Variants in LRP5 observed in about 807,000 individuals in gnomAD.
The protein encoded by LRP5 is low-density lipoprotein receptor-related protein 5.
In LRP5, 62 loss-of-function variants were observed where a neutral mutation model predicts 154.1. The observed-to-expected ratio is 0.40, with a 90% confidence interval of 0.33 to 0.50. The LOEUF (loss-of-function observed/expected upper bound fraction) is 0.50, where lower values mean the gene tolerates loss of function less well. Among genes scored for constraint, LRP5 ranks in the 20% least tolerant of loss-of-function variants. The pLI, the probability that LRP5 is intolerant of heterozygous loss-of-function variation, is 0.55. For synonymous variants in LRP5, 966 were observed against 1,011.5 expected (o/e 0.96, Z 0.85); for missense variants, 1,915 against 2,336.7 (o/e 0.82, Z 3.72).
chr11:68,352,259 C>T (rs1016078368), intron 2 of LRP5, among the ~76,000 whole-genome samples: 1 of 152,170 alleles, frequency 6.6e-6, no homozygotes, highest in Non-Finnish European at 1.5e-5. Context: ...GATTTGCTGG[C>T]ACTCTGCATG....
At chr11:68,304,552 C>G in the LRP5 span, among the ~76,000 whole-genome samples, 182 of 152,344 alleles carry the variant, frequency 1.2e-3, 1 homozygote, top group Non-Finnish European at 2.0e-3. Flanking sequence ...CCATCCACAC[C>G]CCAGAATGGT....
At chr11:68,370,401 C>T (rs1474230620) in intron 5 of LRP5, among the ~76,000 whole-genome samples, 1 of 152,048 alleles carries the variant, frequency 6.6e-6, no homozygotes, top group Non-Finnish European at 1.5e-5. Context: ...AGGCTGCCTG[C>T]GCTCACAGGG....
intron 2 of LRP5, among the ~76,000 whole-genome samples, chr11:68,352,467 G>A (rs1296625620): frequency 6.6e-6 from 1 of 152,226 alleles, no homozygotes; most frequent in Non-Finnish European, 1.5e-5. Context: ...CCATGCCTAC[G>A]TGGTTTTGTC....
chr11:68,324,440 G>A (rs896631434), intron 1 of LRP5, among the ~76,000 whole-genome samples: 14 of 152,144 alleles, frequency 9.2e-5, no homozygotes, highest in Admixed American at 9.2e-4. Context: ...CTGATGGCCT[G>A]GGGCAGAGCT....
chr11:68,411,073 T>G (rs2153166842), intron 10 of LRP5, among the ~76,000 whole-genome samples: 1 of 152,306 alleles, frequency 6.6e-6, no homozygotes, highest in Admixed American at 6.5e-5. Context: ...TCTTGTTTTG[T>G]GATGTGCTTG....
At chr11:68,312,158 C>T (rs2098588373), upstream of LRP5, among the ~76,000 whole-genome samples, 1 of 152,234 alleles carries the variant, frequency 6.6e-6, no homozygotes, top group Admixed American at 6.5e-5. Context: ...CAGCCGGCCA[C>T]TTCTCTCCCT....
chr11:68,430,198 G>A (rs1399032997), intron 17 of LRP5, among the ~76,000 whole-genome samples: 2 of 152,172 alleles, frequency 1.3e-5, no homozygotes, highest in African/African-American at 2.4e-5. Flanking sequence ...TTTTGAGACA[G>A]TGTCTTGCTC....
intron 1 of LRP5, among the ~76,000 whole-genome samples, chr11:68,341,746 A>G (rs1464695179): frequency 6.6e-6 from 1 of 151,900 alleles, no homozygotes; most frequent in East Asian, 1.9e-4. Context: ...TGTCTCAGGT[A>G]GCATGCAGCC....
rs377461570 is a variant in LRP5, at chr11:68,386,569, C to G, written c.1269C>G (p.Val423=). The G allele has an allele frequency of 3.1e-6, 5 of 1,613,688 alleles. No homozygotes were observed. The highest frequency in any genetic ancestry group is 4.2e-6 in the Non-Finnish European group (5 of 1,179,972). The change falls in exon 6 of 23, where the codon GTC becomes GTG. Residue 423 remains valine, a synonymous_variant. Coordinates refer to ENST00000294304, the MANE Select transcript of LRP5 (RefSeq NM_002335.4). This position sits in a 1 kb window ranked among gnomAD's most constrained non-coding sequence, Gnocchi z 7.9. Reference sequence around the variant, plus strand: ...TCAACGACCCCGATGGCATCGCGGTCGACTGGGTGGCCCGAAACCTCTACT... The same window carrying G: ...TCAACGACCCCGATGGCATCGCGGTGGACTGGGTGGCCCGAAACCTCTACT... The part of the protein sequence containing the change: ...TEINDPDGIA[V]DWVARNLYWT...
chr11:68,354,459 G>A (rs1461602887), intron 2 of LRP5, among the ~76,000 whole-genome samples: 1 of 152,190 alleles, frequency 6.6e-6, no homozygotes, highest in Non-Finnish European at 1.5e-5. Flanking sequence ...AGGCCTGTGT[G>A]GATTCCCCCC....
intron 13 of LRP5, among the ~76,000 whole-genome samples, chr11:68,417,449 CTTTTTT>C (rs1161126346): frequency 4.8e-5 from 2 of 41,598 alleles, no homozygotes; most frequent in African/African-American, 1.1e-4. Flanking sequence ...AACAGATTGG[CTTTTTT>C]TTTTTTTTTT....
chr11:68,362,543 T>C (rs2098628660), intron 3 of LRP5, among the ~76,000 whole-genome samples: 1 of 151,902 alleles, frequency 6.6e-6, no homozygotes. Context: ...CCCCAAAAAT[T>C]AGCTGGGTGT....
intron 1 of LRP5, among the ~76,000 whole-genome samples, chr11:68,334,636 A>G (rs1379737113): frequency 2.0e-5 from 3 of 152,056 alleles, no homozygotes; most frequent in Non-Finnish European, 4.4e-5. Context: ...GCACTTTGGG[A>G]GGCTGAGGTG....
At chr11:68,429,538 G>C (rs937747213) in intron 16 of LRP5, 37 bp from the exon 17 acceptor site, 9 of 1,613,290 alleles carry the variant, frequency 5.6e-6, no homozygotes, top group Non-Finnish European at 6.8e-6. Context: ...GTGGGAGACA[G>C]AGCCTGACCT....
At position 68,447,662 on chromosome 11, in the gene LRP5, C is replaced by T. The variant is rs185323630; in HGVS notation, c.4586+1129C>T. Reference sequence around the variant, plus strand: ...GCCCACCGCGGACACATCTTCCCCCCGCCCGCCGTCTGACCTCACAGCAGC... The same window carrying T: ...GCCCACCGCGGACACATCTTCCCCCTGCCCGCCGTCTGACCTCACAGCAGC... On this transcript the variant is annotated intron_variant, in intron 22 of 22. Transcript: ENST00000294304. This position sits in a 1 kb window ranked among gnomAD's most constrained non-coding sequence, Gnocchi z 4.3. 6.6e-5 allele frequency among the ~76,000 whole-genome samples: 10 copies of T among 152,304 alleles called. No homozygotes were observed. The highest frequency in any genetic ancestry group is 1.9e-4 in the East Asian group (1 of 5,184).
chr11:68,364,391 T>C (rs187430672), intron 4 of LRP5, among the ~76,000 whole-genome samples: 5 of 151,090 alleles, frequency 3.3e-5, no homozygotes, highest in African/African-American at 9.8e-5. Context: ...TGTGTGTGTA[T>C]GTATTTTTAA....
Position 68,416,325 on chromosome 11 carries a change from T to G in LRP5, c.2828-3T>G, listed in dbSNP as rs1157640345. The G allele has an allele frequency of 6.2e-7, 1 of 1,613,916 alleles. No homozygotes were observed. Among genetic ancestry groups the G allele is most frequent in the South Asian group, 1.1e-5 (1 of 91,070 alleles). On this transcript the variant is annotated splice_polypyrimidine_tract_variant and splice_region_variant and intron_variant, in intron 12 of 22. Coordinates refer to ENST00000294304, the MANE Select transcript of LRP5 (RefSeq NM_002335.4). ...CCTGCAGCCCTGTCTTTGCCTCCTC[T>G]AGCGCCCACCACCTTCTTGCTGTTC... is the stretch of plus-strand genomic sequence containing the variant.
At position 68,341,059 on chromosome 11, in the gene LRP5, C is replaced by CCTTTTTTTTTTTTTTTTTTTTTTT. The variant is rs1555071026; in HGVS notation, c.92-6788_92-6787insCTTTTTTTTTTTTTTTTTTTTTTT. 1.8e-4 allele frequency among the ~76,000 whole-genome samples: 15 copies of CCTTTTTTTTTTTTTTTTTTTTTTT among 83,478 alleles called. 1 individual carries two copies. Among genetic ancestry groups the CCTTTTTTTTTTTTTTTTTTTTTTT allele is most frequent in the African/African-American group, 6.2e-4 (13 of 21,018 alleles). 54.8% of individuals were successfully genotyped at this position (83,478 alleles called of 152,430 possible). ...GTTACCCCTGCCGCTGGAGATTGTT[C>CCTTTTTTTTTTTTTTTTTTTTTTT]TTTTTTTTTTTTTTTTTTTGCTATT... On this transcript the variant is annotated intron_variant, in intron 1 of 22. Transcript: ENST00000294304.
At chr11:68,439,986 C>T in intron 21 of LRP5, 70 bp downstream of exon 21, 5 of 1,398,432 alleles carry the variant, frequency 3.6e-6, no homozygotes, top group Non-Finnish European at 2.8e-6. Flanking sequence ...CAGTGCTGGC[C>T]ACCGGAGGCT....
Sources: allele counts gnomAD v4.1 joint callset (sites outside exome capture counted in the v4.1 genomes callset), GRCh38; gene constraint gnomAD v4.1.1; non-coding constraint Gnocchi (gnomAD v3.1); transcripts MANE v1.5; gene names NCBI Gene and HGNC (gene_info 2026-07-23, HGNC 2026-07-21).